MECOM: variants seen among roughly 807,000 people sequenced by gnomAD.
MECOM encodes histone-lysine N-methyltransferase MECOM.
MECOM carries 13 observed loss-of-function variants against 116.3 expected under a neutral mutation model. The observed-to-expected ratio is 0.11, with a 90% CI of 0.07 to 0.18. MECOM has a LOEUF of 0.18. MECOM is among the 10% of genes least tolerant of loss of function. The pLI is 1.00. For missense variants in MECOM, 1,299 were observed against 1,509.0 expected (o/e 0.86, Z 2.31); for synonymous variants, 528 against 535.2 (o/e 0.99, Z 0.19).
At chr3:169,111,562 ACTT>A (rs1358074609) in intron 9 of MECOM, among the ~76,000 whole-genome samples, 1 of 152,128 alleles carries the variant, frequency 6.6e-6, no homozygotes, top group Non-Finnish European at 1.5e-5. Context: ...TTTGTAACTT[ACTT>A]CTTTTCCATA....
intron 2 of MECOM, among the ~76,000 whole-genome samples, chr3:169,179,092 C>CA (rs1266418248): frequency 6.6e-6 from 1 of 152,026 alleles, no homozygotes; most frequent in Non-Finnish European, 1.5e-5. Context: ...ACTTGAAAGG[C>CA]AAAAAAATTA....
chr3:169,495,629 A>G (rs772446879), intron 1 of MECOM, among the ~76,000 whole-genome samples: 1 of 152,174 alleles, frequency 6.6e-6, no homozygotes, highest in African/African-American at 2.4e-5. Flanking sequence ...TCATATTCCA[A>G]TACTCATTCT....
Position 169,399,757 on chromosome 3 carries a change from G to C in MECOM, c.38-18233C>G, listed in dbSNP as rs139517154. On this transcript the variant is annotated intron_variant, in intron 1 of 16. Transcript: ENST00000651503. ...GTGGAGTTTTTTAAAGAAACATTTT[G>C]CTTTTTTGTTTTGGACTTGAAGATT... Among the ~76,000 whole-genome samples, 785 of 152,200 alleles carry C rather than the reference G, an allele frequency of 5.2e-3. 3 individuals carry two copies. Among genetic ancestry groups the C allele is most frequent in the Non-Finnish European group, 7.4e-3 (500 of 67,968 alleles).
At chr3:169,173,862 C>T (rs756842948) in intron 2 of MECOM, among the ~76,000 whole-genome samples, 4 of 152,212 alleles carry the variant, frequency 2.6e-5, no homozygotes, top group African/African-American at 4.8e-5. Flanking sequence ...ATTTAAGGCA[C>T]TCCATGTAGC....
intron 2 of MECOM, among the ~76,000 whole-genome samples, chr3:169,255,396 C>T (rs985007305): frequency 6.6e-6 from 1 of 151,866 alleles, no homozygotes; most frequent in Non-Finnish European, 1.5e-5. Flanking sequence ...CTTGTGTTAG[C>T]CTTCCTAGGC....
chr3:169,165,671 T>C (rs1010420172), intron 2 of MECOM, among the ~76,000 whole-genome samples: 3 of 152,190 alleles, frequency 2.0e-5, no homozygotes, highest in Admixed American at 2.0e-4. Flanking sequence ...CAAAACTGTA[T>C]GCTAGTGACT....
chr3:169,137,976 G>T (rs939071305), intron 3 of MECOM, among the ~76,000 whole-genome samples: 29 of 152,118 alleles, frequency 1.9e-4, no homozygotes, highest in African/African-American at 6.5e-4. Context: ...CATTTCATCT[G>T]ACTGTATAAA....
At chr3:169,408,661 C>T (rs1024287817) in intron 1 of MECOM, among the ~76,000 whole-genome samples, 1 of 152,126 alleles carries the variant, frequency 6.6e-6, no homozygotes, top group Non-Finnish European at 1.5e-5. Flanking sequence ...ATTATTTATT[C>T]TCCTTTCCCA....
At chr3:169,220,173 C>CA (rs1328583259) in intron 2 of MECOM, among the ~76,000 whole-genome samples, 3 of 151,680 alleles carry the variant, frequency 2.0e-5, no homozygotes, top group African/African-American at 7.3e-5. Flanking sequence ...CAAAAAAATA[C>CA]AAAAAAATTA....
At chr3:169,344,146 G>A (rs909053092) in intron 2 of MECOM, among the ~76,000 whole-genome samples, 11 of 151,948 alleles carry the variant, frequency 7.2e-5, no homozygotes, top group South Asian at 2.1e-4. Flanking sequence ...TGGTAGCTTC[G>A]TAGCCATTTA....
At chr3:169,223,036 G>A (rs1752310941) in intron 2 of MECOM, among the ~76,000 whole-genome samples, 1 of 152,114 alleles carries the variant, frequency 6.6e-6, no homozygotes, top group South Asian at 2.1e-4. Context: ...ATAAAATGGT[G>A]AGACTGGATA....
At chr3:169,107,754 A>G (rs944419366) in intron 10 of MECOM, among the ~76,000 whole-genome samples, 172 bp downstream of exon 10, 3 of 152,198 alleles carry the variant, frequency 2.0e-5, no homozygotes, top group Non-Finnish European at 4.4e-5. Flanking sequence ...TAAATGCCCA[A>G]TTATAACTGA....
At chr3:169,273,073 A>G (rs1226585061) in intron 2 of MECOM, among the ~76,000 whole-genome samples, 1 of 152,116 alleles carries the variant, frequency 6.6e-6, no homozygotes, top group African/African-American at 2.4e-5. Flanking sequence ...AGAATAGGAA[A>G]TTGAGATACT....
intron 2 of MECOM, among the ~76,000 whole-genome samples, chr3:169,165,954 A>C (rs533227635): frequency 3.9e-5 from 6 of 152,236 alleles, no homozygotes; most frequent in Admixed American, 1.3e-4. Flanking sequence ...TCAACAGCTT[A>C]AGTGAAGGGA....
chr3:169,320,086 A>G (rs1226592251), intron 2 of MECOM, among the ~76,000 whole-genome samples: 5 of 152,226 alleles, frequency 3.3e-5, no homozygotes, highest in Admixed American at 2.0e-4. Flanking sequence ...GGAGAAATGG[A>G]TGTAGACAAT....
intron 1 of MECOM, among the ~76,000 whole-genome samples, chr3:169,618,914 G>T (rs780410556): frequency 8.6e-5 from 13 of 151,766 alleles, no homozygotes; most frequent in Non-Finnish European, 1.8e-4. Flanking sequence ...TATAAAGTAG[G>T]CATTATACCT....
intron 2 of MECOM, among the ~76,000 whole-genome samples, chr3:169,356,591 A>G (rs952785023): frequency 6.6e-6 from 1 of 151,988 alleles, no homozygotes; most frequent in Non-Finnish European, 1.5e-5. Flanking sequence ...CTGACATGTC[A>G]TCTGAATTTT....
intron 2 of MECOM, among the ~76,000 whole-genome samples, chr3:169,185,258 A>T (rs1472997566): frequency 6.6e-6 from 1 of 152,188 alleles, no homozygotes; most frequent in Non-Finnish European, 1.5e-5. Flanking sequence ...CCTGGGAAAC[A>T]CCATTTGAGA....
At chr3:169,326,781 C>A (rs972815648) in intron 2 of MECOM, among the ~76,000 whole-genome samples, 7 of 152,144 alleles carry the variant, frequency 4.6e-5, no homozygotes, top group African/African-American at 1.7e-4. Context: ...GGGTGTGTAA[C>A]AAAATTCTCT....
Sources: gnomAD v4.1 joint callset for allele counts (sites outside exome capture counted in the v4.1 genomes callset) on GRCh38, gnomAD v4.1.1 for gene constraint, MANE v1.5 for transcripts, NCBI Gene and HGNC (gene_info 2026-07-23, HGNC 2026-07-21) for gene names.